ERBB4: variants seen among roughly 807,000 people sequenced by gnomAD.
ERBB4 encodes receptor tyrosine-protein kinase erbB-4.
ERBB4 carries 42 observed loss-of-function variants against 158.0 expected under a neutral mutation model. The ratio of observed to expected loss-of-function variants is 0.27; its 90% CI spans 0.21 to 0.34. ERBB4 has a LOEUF of 0.34. Among genes scored for constraint, ERBB4 ranks in the 10% least tolerant of loss-of-function variants. The pLI is 1.00. For synonymous variants in ERBB4, 583 were observed against 558.7 expected (o/e 1.04, Z -0.61); for missense variants, 1,333 against 1,624.1 (o/e 0.82, Z 3.08).
At chr2:211,487,758 C>T (rs938666597) in intron 20 of ERBB4, among the ~76,000 whole-genome samples, 5 of 151,972 alleles carry the variant, frequency 3.3e-5, no homozygotes. Flanking sequence ...GAATATTATG[C>T]TATTACTGTA....
intron 22 of ERBB4, among the ~76,000 whole-genome samples, chr2:211,425,426 T>TAATA (rs2063606691): frequency 6.6e-6 from 1 of 151,988 alleles, no homozygotes; most frequent in South Asian, 2.1e-4. Context: ...TTTTTTTGGT[T>TAATA]AATATTTACA....
chr2:212,472,532 A>AT (rs1689166318), intron 1 of ERBB4, among the ~76,000 whole-genome samples: 1 of 151,766 alleles, frequency 6.6e-6, no homozygotes, highest in Non-Finnish European at 1.5e-5. Flanking sequence ...TGAGTTCCAT[A>AT]TTAAAAAAAA....
At chr2:212,420,944 G>C (rs545611884) in intron 1 of ERBB4, among the ~76,000 whole-genome samples, 1 of 152,176 alleles carries the variant, frequency 6.6e-6, no homozygotes, top group Non-Finnish European at 1.5e-5. Context: ...TTGTTTTTAG[G>C]AATCTTTTGG....
At chr2:211,556,080 AAGAT>A (rs2067230395) in intron 20 of ERBB4, among the ~76,000 whole-genome samples, 1 of 152,222 alleles carries the variant, frequency 6.6e-6, no homozygotes, top group African/African-American at 2.4e-5. Flanking sequence ...CTAAAATAAA[AAGAT>A]AGAGAAAAAT....
At chr2:211,400,307 T>G (rs1481269369) in intron 25 of ERBB4, among the ~76,000 whole-genome samples, 1 of 151,948 alleles carries the variant, frequency 6.6e-6, no homozygotes, top group African/African-American at 2.4e-5. Flanking sequence ...GCAACAGGCT[T>G]TTTTCTCCAG....
chr2:211,830,217 C>T (rs1409985384), intron 3 of ERBB4, among the ~76,000 whole-genome samples: 1 of 152,158 alleles, frequency 6.6e-6, no homozygotes, highest in Non-Finnish European at 1.5e-5. Context: ...AACAAGTACC[C>T]TTTGAGTGGC....
chr2:212,377,838 T>G (rs1299665490), intron 1 of ERBB4, among the ~76,000 whole-genome samples: 3 of 152,040 alleles, frequency 2.0e-5, no homozygotes, highest in Non-Finnish European at 4.4e-5. Flanking sequence ...TTTTTTAATT[T>G]TTTAAAACTA....
At chr2:211,850,842 T>C (rs2077701082) in intron 3 of ERBB4, among the ~76,000 whole-genome samples, 1 of 151,926 alleles carries the variant, frequency 6.6e-6, no homozygotes, top group African/African-American at 2.4e-5. Context: ...TTATTAGAAC[T>C]GAAAGATAAT....
chr2:212,451,352 T>C (rs1232529851), intron 1 of ERBB4, among the ~76,000 whole-genome samples: 1 of 152,222 alleles, frequency 6.6e-6, no homozygotes, highest in Non-Finnish European at 1.5e-5. Context: ...ATAAACTACT[T>C]GTTAAGACCA....
chr2:211,613,870 A>G (rs1457520576), intron 19 of ERBB4, among the ~76,000 whole-genome samples: 1 of 152,090 alleles, frequency 6.6e-6, no homozygotes, highest in Non-Finnish European at 1.5e-5. Flanking sequence ...AGGTTCCTCA[A>G]AAAACTAAAA....
At chr2:211,737,716 T>C (rs2074647944) in intron 5 of ERBB4, among the ~76,000 whole-genome samples, 1 of 152,190 alleles carries the variant, frequency 6.6e-6, no homozygotes, top group African/African-American at 2.4e-5. Flanking sequence ...ATTATTAATT[T>C]GGAATAGTGC....
At chr2:212,461,949 G>C (rs1166720232) in intron 1 of ERBB4, among the ~76,000 whole-genome samples, 4 of 152,114 alleles carry the variant, frequency 2.6e-5, no homozygotes, top group African/African-American at 9.7e-5. Context: ...GCTCTTCCTT[G>C]CTTTCTGCCA....
chr2:212,497,178 CAAA>C (rs397987683), intron 1 of ERBB4, among the ~76,000 whole-genome samples: 3 of 64,368 alleles, frequency 4.7e-5, no homozygotes, highest in Non-Finnish European at 5.4e-5. Context: ...AACTCCATCT[CAAA>C]AAAAAAAAAA....
At chr2:212,406,735 A>T (rs13419353) in intron 1 of ERBB4, among the ~76,000 whole-genome samples, 89,248 of 151,964 alleles carry the variant, frequency 0.59, 27,331 homozygotes, top group African/African-American at 0.74. Flanking sequence ...GTGAGTCAAT[A>T]GATTAATGGT....
chr2:211,825,421 GC>G (rs1208804959), intron 3 of ERBB4, among the ~76,000 whole-genome samples: 1 of 151,740 alleles, frequency 6.6e-6, no homozygotes, highest in African/African-American at 2.4e-5. Context: ...ATGAATTCAA[GC>G]TTTTATTATT....
At chr2:211,649,083 T>C (rs1273543971) in intron 16 of ERBB4, among the ~76,000 whole-genome samples, 1 of 151,858 alleles carries the variant, frequency 6.6e-6, no homozygotes, top group East Asian at 1.9e-4. Flanking sequence ...TCTACAATTA[T>C]AGGAGTACAC....
At chr2:211,806,595 C>T (rs1240268508) in intron 3 of ERBB4, among the ~76,000 whole-genome samples, 1 of 151,980 alleles carries the variant, frequency 6.6e-6, no homozygotes, top group African/African-American at 2.4e-5. Context: ...CAGAAATGTA[C>T]AGAAAATAAT....
At chr2:212,513,757 C>A (rs959768681) in intron 1 of ERBB4, among the ~76,000 whole-genome samples, 6 of 151,998 alleles carry the variant, frequency 3.9e-5, no homozygotes, top group Non-Finnish European at 8.8e-5. Context: ...GCTTGCAGTG[C>A]GCCAAGATCC....
chr2:211,637,822 T>C (rs1170394290), intron 16 of ERBB4, among the ~76,000 whole-genome samples: 5 of 151,994 alleles, frequency 3.3e-5, no homozygotes, highest in Non-Finnish European at 7.4e-5. Flanking sequence ...TATTGGAGTC[T>C]CAAGTCCATT....
Sources: allele counts gnomAD v4.1 joint callset (sites outside exome capture counted in the v4.1 genomes callset), GRCh38; gene constraint gnomAD v4.1.1; transcripts MANE v1.5; gene names NCBI Gene and HGNC (gene_info 2026-07-23, HGNC 2026-07-21).